The following MPV17L variants were observed in gnomAD, a reference collection of about 807,000 sequenced individuals.
MPV17L encodes MPV17 mitochondrial inner membrane protein like.
Under a neutral mutation model 25.8 loss-of-function variants are expected in MPV17L, and 24 were observed. That is an observed-to-expected ratio of 0.93 (90% CI 0.67 to 1.31). The LOEUF is 1.31. Among genes scored for constraint, MPV17L ranks in the 50% most tolerant of loss-of-function variants. The pLI, the probability that MPV17L is intolerant of heterozygous loss-of-function variation, is 0.00. For missense variants in MPV17L, 250 were observed against 265.6 expected (o/e 0.94, Z 0.41); for synonymous variants, 102 against 115.3 (o/e 0.88, Z 0.74).
Position 15,410,923 on chromosome 16 carries a change from A to T in MPV17L, c.*2811A>T, listed in dbSNP as rs2050727587. The T allele has an allele frequency of 6.6e-6, 1 of 151,354 alleles. No individual in the cohort carries two copies. The highest frequency in any genetic ancestry group is 2.5e-5 in the African/African-American group (1 of 40,632). 9.4% of individuals were successfully genotyped at this position (151,354 alleles called of 1,614,324 possible). Reference sequence around the variant, plus strand: ...ACAATGGAAAAATGGTTTCGTAATAAGAAGATACATTTTAACATCAAAACG... The same window carrying T: ...ACAATGGAAAAATGGTTTCGTAATATGAAGATACATTTTAACATCAAAACG... On this transcript the variant is annotated 3_prime_UTR_variant, in exon 4 of 4. Coordinates refer to ENST00000396385, the MANE Select transcript of MPV17L (RefSeq NM_001128423.2).
intron 1 of MPV17L, 135 bp downstream of exon 1, chr16:15,396,342 C>A: frequency 1.7e-6 from 2 of 1,186,870 alleles, no homozygotes; most frequent in East Asian, 2.7e-5. Flanking sequence ...GGCTCTGAGA[C>A]CGGAGCTGCT....
chr16:15,400,673 A>G, intron 1 of MPV17L, 114 bp from the exon 2 acceptor site: 1 of 629,976 alleles, frequency 1.6e-6, no homozygotes, highest in Admixed American at 3.8e-5. Context: ...AGAGGGTCAT[A>G]TTGTTGGATG....
rs748545952 is a variant in MPV17L, at chr16:15,407,877, A to G, written c.411+24A>G. ...AGGTAAGTTCCACCTACTCAGTAAT[A>G]TGAACTCAGGGCTTTGGTTTCCATG... On this transcript the variant is annotated intron_variant, in intron 3 of 3. Coordinates refer to ENST00000396385, the MANE Select transcript of MPV17L (RefSeq NM_001128423.2). 8 of 1,613,196 alleles carry G rather than the reference A, an allele frequency of 5.0e-6. No individual in the cohort carries two copies. The South Asian group carries it at 7.7e-5, about 15-fold the overall frequency.
chr16:15,398,990 T>A (rs2050611330), intron 1 of MPV17L, among the ~76,000 whole-genome samples: 1 of 152,080 alleles, frequency 6.6e-6, no homozygotes, highest in African/African-American at 2.4e-5. Flanking sequence ...AGGCTTTACA[T>A]GGAAATTGCA....
In MPV17L at chr16:15,409,289, C is replaced by T. The variant is rs1376346249; in HGVS notation, c.*1177C>T. ...TAGAGAGGGCGTTTTGCCATGTTGG[C>T]TAGGCTGGTCTCTGTCCGTCCTCTG... On this transcript the variant is annotated 3_prime_UTR_variant, in exon 4 of 4. Coordinates refer to ENST00000396385, the MANE Select transcript of MPV17L (RefSeq NM_001128423.2). The T allele has an allele frequency of 6.6e-6, 1 of 152,324 alleles. No individual in the cohort carries two copies. The highest frequency in any genetic ancestry group is 1.5e-5 in the Non-Finnish European group (1 of 68,088). 9.4% of individuals were successfully genotyped at this position (152,324 alleles called of 1,614,324 possible). A position where few individuals can be genotyped will look rare whatever the true frequency, so the allele number is the denominator to read the frequency against.
intron 2 of MPV17L, among the ~76,000 whole-genome samples, chr16:15,404,677 C>G (rs767324921): frequency 2.0e-5 from 3 of 152,056 alleles, no homozygotes; most frequent in Non-Finnish European, 4.4e-5. Context: ...AAAAAATTAG[C>G]CAGGTATGGT....
intron 1 of MPV17L, 63 bp downstream of exon 1, chr16:15,396,270 T>A: frequency 1.3e-6 from 2 of 1,518,266 alleles, no homozygotes; most frequent in Non-Finnish European, 1.8e-6. Context: ...AGGCTGGGAC[T>A]CGGGGATCAA....
At chr16:15,403,948 A>G (rs2050660219) in intron 2 of MPV17L, among the ~76,000 whole-genome samples, 1 of 151,506 alleles carries the variant, frequency 6.6e-6, no homozygotes, top group Non-Finnish European at 1.5e-5. Context: ...CAGGCGGATC[A>G]TGAGGTCAAG....
intron 2 of MPV17L, among the ~76,000 whole-genome samples, chr16:15,401,290 AT>A (rs553478216): frequency 1.5e-3 from 226 of 151,002 alleles, no homozygotes; most frequent in African/African-American, 5.3e-3. Context: ...TTATTTTTAA[AT>A]TTTTTGGTAG....
Position 15,407,145 on chromosome 16 carries a change from G to A in MPV17L, c.382-679G>A, listed in dbSNP as rs545202356. On this transcript the variant is annotated intron_variant, in intron 2 of 3. Transcript: ENST00000396385. ...TTACAAATATATTCCTGCATCATTT[G>A]TTCATGGTAACCAGGAAATTGCAAT... is the stretch of plus-strand genomic sequence containing the variant. Among the ~76,000 whole-genome samples the A allele has an allele frequency of 3.3e-5, 5 of 152,066 alleles. No individual in the cohort carries two copies. The East Asian group carries it at 9.7e-4, about 29-fold the overall frequency.
chr16:15,407,797 G>A, intron 2 of MPV17L, 27 bp from the exon 3 acceptor site: 3 of 1,565,904 alleles, frequency 1.9e-6, no homozygotes, highest in Non-Finnish European at 2.6e-6. Flanking sequence ...TAATAAAGTT[G>A]TTGCTTTTTT....
chr16:15,411,202 AGCCTAG>A lies in MPV17L; in HGVS notation c.*3093_*3098del, dbSNP rs1447241389. On this transcript the variant is annotated 3_prime_UTR_variant, in exon 4 of 4. Coordinates refer to ENST00000396385, the MANE Select transcript of MPV17L (RefSeq NM_001128423.2). ...AGCAGAGATCAGGCCACTGCACTCC[AGCCTAG>A]GCGACAGAGCGAGAATCTGTCTCAA... 1 of 152,522 alleles carries A rather than the reference AGCCTAG, an allele frequency of 6.6e-6. No homozygotes were observed. The highest frequency in any genetic ancestry group is 1.5e-5 in the Non-Finnish European group (1 of 68,268). The allele number at this position is 152,522 out of a possible 1,614,324, so 9.4% of individuals were successfully genotyped here.
Position 15,407,851 on chromosome 16 carries a change from C to G in MPV17L, c.409C>G (p.Gln137Glu). 1 of 1,612,138 alleles carries G rather than the reference C, an allele frequency of 6.2e-7. No homozygotes were observed. The highest frequency in any genetic ancestry group is 8.5e-7 in the Non-Finnish European group (1 of 1,179,742). Residue 137 changes from glutamine (Q) to glutamate (E), a missense_variant and splice_region_variant, in exon 3 of 4, where the codon CAG (glutamine) becomes GAG (glutamate). Physicochemically the swap from Gln to Glu is conservative, Grantham distance 29 (BLOSUM62 2). Coordinates refer to ENST00000396385, the MANE Select transcript of MPV17L (RefSeq NM_001128423.2). ...LSGLMYWPFV[Q>E]LTNFSLVPVQ... ...TGGACTGATGTACTGGCCCTTTGTACAGGTAAGTTCCACCTACTCAGTAAT... is the reference window on the plus strand; with the variant it reads ...TGGACTGATGTACTGGCCCTTTGTAGAGGTAAGTTCCACCTACTCAGTAAT...
At position 15,409,461 on chromosome 16, in the gene MPV17L, A is replaced by G. The variant is rs1255773242; in HGVS notation, c.*1349A>G. The G allele has an allele frequency of 1.3e-5, 2 of 152,076 alleles. No homozygotes were observed. Among genetic ancestry groups the G allele is most frequent in the Non-Finnish European group, 2.9e-5 (2 of 68,012 alleles). The allele number at this position is 152,076 out of a possible 1,614,324, so 9.4% of individuals were successfully genotyped here. A position where few individuals can be genotyped will look rare whatever the true frequency, so the allele number is the denominator to read the frequency against. On this transcript the variant is annotated 3_prime_UTR_variant, in exon 4 of 4. Coordinates refer to ENST00000396385, the MANE Select transcript of MPV17L (RefSeq NM_001128423.2). ...GTTACTGCCCCACCCTAACTGATCA[A>G]TGTACTTTGTAATCCTCCCACCCTT...
intron 2 of MPV17L, among the ~76,000 whole-genome samples, chr16:15,401,614 G>A (rs1190269351): frequency 6.6e-6 from 1 of 152,082 alleles, no homozygotes; most frequent in Non-Finnish European, 1.5e-5. Context: ...GACGTTAGGA[G>A]TTTGAAACCA....
chr16:15,399,756 T>TTTTTTA (rs1480720267), intron 1 of MPV17L, among the ~76,000 whole-genome samples: 1 of 152,098 alleles, frequency 6.6e-6, no homozygotes, highest in African/African-American at 2.4e-5. Context: ...CCACTGGCCT[T>TTTTTTA]TTTTTATTTT....
intron 2 of MPV17L, among the ~76,000 whole-genome samples, chr16:15,405,208 AC>A (rs1226557573): frequency 2.0e-5 from 3 of 151,842 alleles, no homozygotes; most frequent in Non-Finnish European, 2.9e-5. Flanking sequence ...ACTACATGAT[AC>A]TACATTCTGA....
chr16:15,398,876 G>A (rs2050609992), intron 1 of MPV17L, among the ~76,000 whole-genome samples: 2 of 152,090 alleles, frequency 1.3e-5, no homozygotes, highest in Admixed American at 1.3e-4. Context: ...TTACAGGTGT[G>A]AGCCACCTCA....
At position 15,396,206 on chromosome 16, in the gene MPV17L, C is replaced by T. The variant is rs1014712061; in HGVS notation, c.309C>T (p.Val103=). The change falls in exon 1 of 4, where the codon GTC becomes GTT. Residue 103 remains valine (V), a splice_region_variant and synonymous_variant. Transcript: ENST00000396385. ...CCATCGCGGTCTCGGCCTTCTATGT[C>T]GGTGAGGGGCCGGGAGGGGACCTGG... The part of the protein sequence containing the change: ...GAPIAVSAFY[V]GMSILQGKDD... 9.9e-5 allele frequency: 154 copies of T among 1,547,798 alleles called. No homozygotes were observed. The highest frequency in any genetic ancestry group is 1.2e-4 in the Non-Finnish European group (137 of 1,146,652).
Sources: gnomAD v4.1 joint callset for allele counts (sites outside exome capture counted in the v4.1 genomes callset) on GRCh38, gnomAD v4.1.1 for gene constraint, MANE v1.5 for transcripts, NCBI Gene and HGNC (gene_info 2026-07-23, HGNC 2026-07-21) for gene names.